Variants in PCDH11X observed in about 807,000 individuals in gnomAD.
PCDH11X encodes protocadherin 11 X-linked.
A neutral mutation model predicts 53.3 loss-of-function variants in PCDH11X; 18 were observed. That is an observed-to-expected ratio of 0.34 (90% CI 0.23 to 0.50). PCDH11X has a LOEUF of 0.50. PCDH11X is among the 20% of genes least tolerant of loss of function. The probability of loss-of-function intolerance (pLI) is 0.98; values close to 1 mark genes in which losing one functional copy is unlikely to be tolerated. For synonymous variants in PCDH11X, 279 were observed against 393.3 expected (o/e 0.71, Z 3.44); for missense variants, 570 against 1,032.4 (o/e 0.55, Z 6.14).
intron 9 of PCDH11X, among the ~76,000 whole-genome samples, chrX:92,398,799 T>C (rs2071307309): frequency 9.0e-6 from 1 of 111,001 alleles, no homozygotes; most frequent in African/African-American, 3.3e-5. Flanking sequence ...GCTTTGTGCA[T>C]CCTTAAAATG....
rs535529987 is a variant in PCDH11X, at chrX:91,989,414, T to A, written c.3033+110141T>A. On this transcript the variant is annotated intron_variant, in intron 6 of 10. Transcript: ENST00000682573. The stretch of plus-strand genomic sequence containing the variant: ...CGCCTCTGACAAAAATACAAAAAAA[T>A]GTGCCAGGTGTGGTGGTGGACGCCT... Among the ~76,000 whole-genome samples the A allele has an allele frequency of 1.0e-3, 114 of 110,347 alleles. 1 individual carries two copies. In the South Asian group the frequency reaches 0.044, roughly 43 times the overall value.
intron 6 of PCDH11X, among the ~76,000 whole-genome samples, chrX:91,911,504 A>C (rs12843175): frequency 0.39 from 40,658 of 104,853 alleles, 6,338 homozygotes; most frequent in East Asian, 0.61. Flanking sequence ...TGTATAATTA[A>C]ATTATTATTG....
intron 10 of PCDH11X, among the ~76,000 whole-genome samples, chrX:92,605,144 C>T (rs1407408694): frequency 9.2e-6 from 1 of 109,104 alleles, no homozygotes; most frequent in Non-Finnish European, 1.9e-5. Flanking sequence ...CATGATTTTC[C>T]AGGATAGACT....
At chrX:91,961,971 C>A (rs1455040730) in intron 6 of PCDH11X, among the ~76,000 whole-genome samples, 1 of 109,739 alleles carries the variant, frequency 9.1e-6, no homozygotes, top group East Asian at 2.9e-4. Context: ...AAGGTAACCA[C>A]CCCCATTATT....
rs143037457 is a variant in PCDH11X, at chrX:92,142,657, C to T, written c.3034-58718C>T. On this transcript the variant is annotated intron_variant, in intron 6 of 10. Transcript: ENST00000682573. ...CTACTACTTGTGAATTACAGTCGCA[C>T]ATGCACACACACCCACACACCCATT... Among the ~76,000 whole-genome samples, 260 of 111,457 alleles carry T rather than the reference C, an allele frequency of 2.3e-3. 1 individual carries two copies. Among genetic ancestry groups the T allele is most frequent in the African/African-American group, 7.9e-3 (241 of 30,678 alleles).
At chrX:92,342,210 A>T (rs1212923150) in intron 8 of PCDH11X, among the ~76,000 whole-genome samples, 5 of 111,740 alleles carry the variant, frequency 4.5e-5, no homozygotes, top group Admixed American at 2.9e-4. Context: ...TGCAGAGGAA[A>T]GGGAGTGCTT....
At chrX:91,954,551 G>A (rs1037144632) in intron 6 of PCDH11X, among the ~76,000 whole-genome samples, 1 of 111,294 alleles carries the variant, frequency 9.0e-6, no homozygotes, top group African/African-American at 3.3e-5. Flanking sequence ...TTCCACAATA[G>A]TTGAACTAAT....
intron 6 of PCDH11X, among the ~76,000 whole-genome samples, chrX:92,111,093 G>A (rs1177182840): frequency 2.8e-5 from 3 of 106,488 alleles, no homozygotes; most frequent in Non-Finnish European, 3.8e-5. Flanking sequence ...ATTATTATGA[G>A]CCTTATTTAG....
At chrX:92,278,875 G>A (rs991056623) in intron 8 of PCDH11X, among the ~76,000 whole-genome samples, 1 of 99,778 alleles carries the variant, frequency 1.0e-5, no homozygotes, top group South Asian at 5.1e-4. Context: ...GCAATGGTGC[G>A]ATCTCAGGTC....
chrX:92,564,427 C>T (rs1921218115), intron 10 of PCDH11X, among the ~76,000 whole-genome samples: 1 of 102,155 alleles, frequency 9.8e-6, no homozygotes, highest in African/African-American at 3.5e-5. Flanking sequence ...GACACATAGA[C>T]CAAGGGAACA....
At chrX:92,451,501 C>T (rs1285976672) in intron 9 of PCDH11X, among the ~76,000 whole-genome samples, 2 of 105,139 alleles carry the variant, frequency 1.9e-5, no homozygotes, top group Non-Finnish European at 3.8e-5. Context: ...AAATGGAAAA[C>T]CTTAAAATGT....
At chrX:92,462,312 A>G (rs1218013672) in intron 9 of PCDH11X, among the ~76,000 whole-genome samples, 11 of 110,858 alleles carry the variant, frequency 9.9e-5, no homozygotes, top group African/African-American at 3.6e-4. Flanking sequence ...CAGATTGTAC[A>G]TTATTACCTT....
chrX:92,374,441 T>A (rs1198931398), intron 8 of PCDH11X, among the ~76,000 whole-genome samples: 2 of 101,710 alleles, frequency 2.0e-5, no homozygotes, highest in Non-Finnish European at 4.0e-5. Flanking sequence ...AGACGATTTA[T>A]CCATTGTCTC....
At chrX:92,170,142 C>G in intron 6 of PCDH11X, among the ~76,000 whole-genome samples, 1 of 110,910 alleles carries the variant, frequency 9.0e-6, no homozygotes, top group Non-Finnish European at 1.9e-5. Context: ...AGCCTACAAA[C>G]CCCCTCAAAT....
At chrX:91,898,509 A>G (rs2147780023) in intron 6 of PCDH11X, among the ~76,000 whole-genome samples, 1 of 109,350 alleles carries the variant, frequency 9.1e-6, no homozygotes, top group East Asian at 2.9e-4. Context: ...ATGTACTTTT[A>G]AATATAGCTG....
chrX:92,127,832 C>G (rs1188742054), intron 6 of PCDH11X, among the ~76,000 whole-genome samples: 1 of 111,072 alleles, frequency 9.0e-6, no homozygotes, highest in Non-Finnish European at 1.9e-5. Context: ...TACCCTTCCC[C>G]CTTTCTAAGA....
intron 10 of PCDH11X, among the ~76,000 whole-genome samples, chrX:92,541,131 T>G (rs903409178): frequency 1.2e-4 from 13 of 108,987 alleles, no homozygotes; most frequent in Non-Finnish European, 2.3e-4. Context: ...GGAATTGTAT[T>G]CCTTGTGTCC....
intron 10 of PCDH11X, among the ~76,000 whole-genome samples, chrX:92,613,213 T>C (rs950683793): frequency 2.7e-5 from 3 of 110,240 alleles, no homozygotes; most frequent in Admixed American, 1.9e-4. Context: ...GCTATGTATT[T>C]AAGTTTGTTT....
At chrX:92,578,105 A>G (rs2556711) in intron 10 of PCDH11X, among the ~76,000 whole-genome samples, 9,122 of 76,538 alleles carry the variant, frequency 0.12, 954 homozygotes, top group African/African-American at 0.17. Flanking sequence ...TCTGTCTCAA[A>G]GATTGATCTA....
Sources: allele counts gnomAD v4.1 joint callset (sites outside exome capture counted in the v4.1 genomes callset), GRCh38; gene constraint gnomAD v4.1.1; transcripts MANE v1.5; gene names NCBI Gene and HGNC (gene_info 2026-07-23, HGNC 2026-07-21).